Variants in TRAF4 observed in about 807,000 individuals in gnomAD.
TRAF4 encodes the protein TNF receptor associated factor 4.
Under a neutral mutation model 47.3 loss-of-function variants are expected in TRAF4, and 9 were observed. The ratio of observed to expected loss-of-function variants is 0.19; its 90% CI spans 0.11 to 0.33. The LOEUF is 0.33. Ranked by LOEUF, TRAF4 falls within the 10% of genes least tolerant of loss-of-function variation. The pLI, the probability that TRAF4 is intolerant of heterozygous loss-of-function variation, is 1.00. For missense variants in TRAF4, 448 were observed against 620.3 expected, an observed-to-expected ratio of 0.72 and a Z score of 2.95; for synonymous variants, 236 against 236.9, an observed-to-expected ratio of 1.00 and a Z score of 0.04.
In TRAF4 at chr17:28,747,857, G is replaced by A. The variant is rs776531450; in HGVS notation, c.210G>A (p.Pro70=). Residue 70 remains proline (P), a synonymous_variant, in exon 3 of 7, where the codon CCG becomes CCA. Coordinates refer to ENST00000262395, the MANE Select transcript of TRAF4 (RefSeq NM_004295.4). ...CCTACCCCCAGATCTACCCAGACCCGGAGCTGGAAGTACAAGTATTGGGCC... is the reference window on the plus strand; with the variant it reads ...CCTACCCCCAGATCTACCCAGACCCAGAGCTGGAAGTACAAGTATTGGGCC... ...PLDYAKIYPD[P]ELEVQVLGLP... is the part of the protein sequence containing the mutation. The A allele has an allele frequency of 1.6e-5, 26 of 1,613,472 alleles. No individual in the cohort carries two copies. The highest frequency in any genetic ancestry group is 6.7e-5 in the East Asian group (3 of 44,876).
chr17:28,745,034 A>G (rs1173518572), intron 1 of TRAF4: 1 of 152,252 alleles, frequency 6.6e-6, no homozygotes, highest in African/African-American at 2.4e-5. Context: ...CACGCAGGGA[A>G]CCCCTCAGGC....
At position 28,748,409 on chromosome 17, in the gene TRAF4, T is replaced by C. The variant is rs1469943567; in HGVS notation, c.610T>C (p.Phe204Leu). 3 of 1,606,194 alleles carry C rather than the reference T, an allele frequency of 1.9e-6. No homozygotes were observed. Among genetic ancestry groups the C allele is most frequent in the Non-Finnish European group, 2.6e-6 (3 of 1,173,700 alleles). The change falls in exon 5 of 7, where the codon TTT becomes CTT. Residue 204 changes from phenylalanine (F) to leucine (L), a missense_variant. Phe to Leu is a conservative substitution (Grantham distance 22). Coordinates refer to ENST00000262395, the MANE Select transcript of TRAF4 (RefSeq NM_004295.4). ...PCTYCTKEFV[F>L]DTIQSHQYQC... Reference sequence around the variant, plus strand: ...CACCTACTGCACTAAGGAGTTCGTCTTTGACACCATCCAGGTGAGGCCTTC... The same window carrying C: ...CACCTACTGCACTAAGGAGTTCGTCCTTGACACCATCCAGGTGAGGCCTTC...
At chr17:28,744,394 G>T (rs2034475462) in intron 1 of TRAF4, 139 bp downstream of exon 1, 2 of 1,015,192 alleles carry the variant, frequency 2.0e-6, no homozygotes, top group Non-Finnish European at 2.7e-6. Flanking sequence ...GTGACGTCAC[G>T]GGGAGGGATG....
At chr17:28,746,217 G>A (rs566574455) in intron 1 of TRAF4, among the ~76,000 whole-genome samples, 17 of 152,374 alleles carry the variant, frequency 1.1e-4, no homozygotes, top group African/African-American at 3.8e-4. Flanking sequence ...ACCTGACTCA[G>A]ACCTGCCAGG....
At position 28,749,274 on chromosome 17, in the gene TRAF4, G is replaced by T. The variant is rs1028899320; in HGVS notation, c.1110G>T (p.Leu370=). Residue 370 remains leucine (L), a synonymous_variant, in exon 7 of 7, where the codon CTG becomes CTT. Transcript: ENST00000262395. Reference sequence around the variant, plus strand: ...ACCTCTCACTGTACATTCGTGTGCTGCCTGGTGCCTTTGACAATCTCCTTG... The same window carrying T: ...ACCTCTCACTGTACATTCGTGTGCTTCCTGGTGCCTTTGACAATCTCCTTG... ...GTHLSLYIRV[L]PGAFDNLLEW... is the part of the protein sequence containing the mutation. The T allele has an allele frequency of 2.5e-6, 4 of 1,614,122 alleles. No individual in the cohort carries two copies. The Admixed American group carries it at 5.0e-5, about 20-fold the overall frequency.
At position 28,747,951 on chromosome 17, in the gene TRAF4, A is replaced by G. The variant is rs778557673; in HGVS notation, c.300+4A>G. On this transcript the variant is annotated splice_donor_region_variant and intron_variant, in intron 3 of 6. Transcript: ENST00000262395. ...TGGGCCACTACGTCATCTACAGGTG[A>G]GGCTCTGATGTGAGGGCTGGCACCA... The G allele has an allele frequency of 6.2e-7, 1 of 1,614,126 alleles. No individual in the cohort carries two copies. Among genetic ancestry groups the G allele is most frequent in the Admixed American group, 1.7e-5 (1 of 60,014 alleles).
Position 28,748,176 on chromosome 17 carries a change from G to A in TRAF4, c.460G>A (p.Glu154Lys), listed in dbSNP as rs772203393. 4 of 1,613,994 alleles carry A rather than the reference G, an allele frequency of 2.5e-6. No homozygotes were observed. The East Asian group carries it at 6.7e-5, about 27-fold the overall frequency. Residue 154 changes from glutamate (E) to lysine (K), a missense_variant and splice_region_variant, in exon 4 of 7, where the codon GAG becomes AAG. Physicochemically the swap from Glu to Lys is moderately conservative, Grantham distance 56. Transcript: ENST00000262395. ...CTGTGACTTCAGTGGGGAGGCCTAT[G>A]AGGTGGGTGGGGTCTGGCTGAATGT... ...CGCDFSGEAY[E>K]SHEGMCPQES... is the part of the protein sequence containing the mutation.
At chr17:28,745,941 C>A (rs1277121553) in intron 1 of TRAF4, among the ~76,000 whole-genome samples, 2 of 152,238 alleles carry the variant, frequency 1.3e-5, no homozygotes, top group African/African-American at 4.8e-5. Context: ...TGGGCCCACC[C>A]CTCTTTCCCC....
Position 28,749,637 on chromosome 17 carries a change from G to C in TRAF4, c.*60G>C. 6.3e-7 allele frequency: 1 copy of C among 1,583,110 alleles called. No individual in the cohort carries two copies. The highest frequency in any genetic ancestry group is 8.6e-7 in the Non-Finnish European group (1 of 1,163,644). On this transcript the variant is annotated 3_prime_UTR_variant, in exon 7 of 7. Coordinates refer to ENST00000262395, the MANE Select transcript of TRAF4 (RefSeq NM_004295.4). ...GCATGACCTCAGTCAGGCACTGGCT[G>C]AACTTGGAGAGGGGGCCGGACCCCC...
chr17:28,744,266 G>C lies in TRAF4; in HGVS notation c.143+11G>C. The C allele has an allele frequency of 6.3e-7, 1 of 1,583,758 alleles. No homozygotes were observed. The highest frequency in any genetic ancestry group is 8.5e-7 in the Non-Finnish European group (1 of 1,172,866). On this transcript the variant is annotated intron_variant, in intron 1 of 6. Transcript: ENST00000262395. ...GCAGGAGTTCCTCAGGTGCTGGCCG[G>C]GGAGCAGGGGACAGCGGGGGCGGGG... is the stretch of plus-strand genomic sequence containing the variant.
chr17:28,748,488 C>T, intron 5 of TRAF4, 23 bp from the exon 6 acceptor site: 4 of 1,610,554 alleles, frequency 2.5e-6, no homozygotes, highest in Non-Finnish European at 2.5e-6. Flanking sequence ...TTGACTCCTG[C>T]CTCTCTACTT....
chr17:28,747,146 A>G, intron 1 of TRAF4, 67 bp from the exon 2 acceptor site: 4 of 1,565,214 alleles, frequency 2.6e-6, no homozygotes, highest in Non-Finnish European at 3.5e-6. Context: ...GCCTCAGTGG[A>G]GGGGGTGGGG....
rs1364189988 is a variant in TRAF4 at position 28,747,929 on chromosome 17, G to T, written c.282G>T (p.Gly94=). 3.1e-6 allele frequency: 5 copies of T among 1,614,028 alleles called. No homozygotes were observed. In the Admixed American group the frequency reaches 8.3e-5, roughly 27 times the overall value. ...GTGAGGAGGGCTGCCGCTGGAGTGG[G>T]CCACTACGTCATCTACAGGTGAGGC... is the stretch of plus-strand genomic sequence containing the variant. ...IHSEEGCRWS[G]PLRHLQGHLN... Residue 94 remains glycine (G), a synonymous_variant, in exon 3 of 7, where the codon GGG becomes GGT. Transcript: ENST00000262395.
At chr17:28,746,659 G>T (rs1291144467) in intron 1 of TRAF4, 1 of 152,470 alleles carries the variant, frequency 6.6e-6, no homozygotes, top group African/African-American at 2.4e-5. Flanking sequence ...GGGCCGGGTG[G>T]GAATGTAAAC....
Position 28,748,251 on chromosome 17 carries a change from G to T in TRAF4, c.463-11G>T. 3 of 1,612,410 alleles carry T rather than the reference G, an allele frequency of 1.9e-6. No individual in the cohort carries two copies. Among genetic ancestry groups the T allele is most frequent in the Non-Finnish European group, 2.5e-6 (3 of 1,178,698 alleles). On this transcript the variant is annotated splice_polypyrimidine_tract_variant and intron_variant, in intron 4 of 6. Transcript: ENST00000262395. ...AGGCATCTCTTAACTCAGCACCTCT[G>T]ACATTTCCAGAGCCATGAGGGTATG... is the stretch of plus-strand genomic sequence containing the variant.
At chr17:28,746,894 CTG>C (rs954904478) in intron 1 of TRAF4, 8 of 274,382 alleles carry the variant, frequency 2.9e-5, no homozygotes, top group African/African-American at 1.8e-4. Flanking sequence ...GAGGGGGTGA[CTG>C]TGCAGCGTGT....
Position 28,747,279 on chromosome 17 carries a change from C to T in TRAF4, c.195+15C>T. 6.2e-7 allele frequency: 1 copy of T among 1,611,984 alleles called. No individual in the cohort carries two copies. ...ACTATGCCAAGGTGAGTCCACACTG[C>T]CAGGAAGAAGCCCAAGCACAGTCTG... On this transcript the variant is annotated intron_variant, in intron 2 of 6. Coordinates refer to ENST00000262395, the MANE Select transcript of TRAF4 (RefSeq NM_004295.4).
In TRAF4 at chr17:28,748,381, C is replaced by T. The variant is rs760243535; in HGVS notation, c.582C>T (p.Pro194=). 14 of 1,612,138 alleles carry T rather than the reference C, an allele frequency of 8.7e-6. No individual in the cohort carries two copies. The highest frequency in any genetic ancestry group is 1.1e-5 in the Non-Finnish European group (13 of 1,178,718). The change falls in exon 5 of 7, where the codon CCC becomes CCT. Residue 194 remains proline, a synonymous_variant. Coordinates refer to ENST00000262395, the MANE Select transcript of TRAF4 (RefSeq NM_004295.4). ...ATSECPKRTQ[P]CTYCTKEFVF... Reference sequence around the variant, plus strand: ...CTGAGTGCCCCAAGCGCACTCAGCCCTGCACCTACTGCACTAAGGAGTTCG... The same window carrying T: ...CTGAGTGCCCCAAGCGCACTCAGCCTTGCACCTACTGCACTAAGGAGTTCG...
Position 28,749,450 on chromosome 17 carries a change from A to T in TRAF4, c.1286A>T (p.Glu429Val). The change falls in exon 7 of 7, where the codon GAG (glutamate) becomes GTG (valine). Residue 429 changes from glutamate to valine, a missense_variant. By Grantham distance (121) the Glu-to-Val change is moderately radical. Transcript: ENST00000262395. Reference sequence around the variant, plus strand: ...GGCACGTGGCGGGGCTCCCTGGATGAGAGTTCTCTGGGCTTTGGTTATCCC... The same window carrying T: ...GGCACGTGGCGGGGCTCCCTGGATGTGAGTTCTCTGGGCTTTGGTTATCCC... ...KPGTWRGSLD[E>V]SSLGFGYPKF... 1.2e-6 allele frequency: 2 copies of T among 1,613,968 alleles called. No individual in the cohort carries two copies. Among genetic ancestry groups the T allele is most frequent in the Non-Finnish European group, 1.7e-6 (2 of 1,180,024 alleles).
Sources: allele counts gnomAD v4.1 joint callset (sites outside exome capture counted in the v4.1 genomes callset), GRCh38; gene constraint gnomAD v4.1.1; transcripts MANE v1.5; gene names NCBI Gene and HGNC (gene_info 2026-07-23, HGNC 2026-07-21).